The following AP1G1 variants were observed in gnomAD, a reference collection of about 807,000 sequenced individuals.
AP1G1 encodes adaptor related protein complex 1 subunit gamma 1, also known as AP-1 complex subunit gamma-1.
A neutral mutation model predicts 108.3 loss-of-function variants in AP1G1; 7 were observed. The ratio of observed to expected loss-of-function variants is 0.06; its 90% confidence interval spans 0.04 to 0.12. The LOEUF (loss-of-function observed/expected upper bound fraction) is 0.12. Among genes scored for constraint, AP1G1 ranks in the 10% least tolerant of loss-of-function variants. The probability of loss-of-function intolerance (pLI) is 1.00; values close to 1 mark genes in which losing one functional copy is unlikely to be tolerated. For missense variants in AP1G1, 756 were observed against 1,010.7 expected (o/e 0.75, Z 3.42); for synonymous variants, 379 against 353.5 (o/e 1.07, Z -0.81).
At chr16:71,745,827 G>T (rs1353320236) in intron 17 of AP1G1, among the ~76,000 whole-genome samples, 1 of 130,024 alleles carries the variant, frequency 7.7e-6, no homozygotes, top group African/African-American at 2.9e-5. Context: ...TAAACAGACT[G>T]CCCAGCTAAA....
At chr16:71,789,739 C>G (rs1015783433) in intron 1 of AP1G1, among the ~76,000 whole-genome samples, 1 of 152,146 alleles carries the variant, frequency 6.6e-6, no homozygotes, top group African/African-American at 2.4e-5. Flanking sequence ...AAAGAATACA[C>G]TAAATATGTA....
chr16:71,778,576 G>A (rs567055110), intron 2 of AP1G1, among the ~76,000 whole-genome samples: 13 of 152,002 alleles, frequency 8.6e-5, no homozygotes, highest in Middle Eastern at 3.4e-3. Flanking sequence ...CCAGCTACCC[G>A]GGAGGCTGAG....
intron 1 of AP1G1, among the ~76,000 whole-genome samples, chr16:71,797,974 T>C (rs574487298): frequency 1.6e-4 from 25 of 152,196 alleles, no homozygotes; most frequent in African/African-American, 5.8e-4. Flanking sequence ...TAGTTAGAAA[T>C]GGAGGGTAAA....
At chr16:71,770,366 A>T (rs1244686185) in intron 5 of AP1G1, among the ~76,000 whole-genome samples, 1 of 152,256 alleles carries the variant, frequency 6.6e-6, no homozygotes, top group Non-Finnish European at 1.5e-5. Flanking sequence ...CTGACTTCAA[A>T]TAAAAATAAA....
chr16:71,759,236 AT>A (rs1387620150), intron 10 of AP1G1, among the ~76,000 whole-genome samples: 2 of 152,162 alleles, frequency 1.3e-5, no homozygotes, highest in Non-Finnish European at 2.9e-5. Flanking sequence ...AGGCAGGTGG[AT>A]ACCTGAGGTC....
At chr16:71,761,456 C>T (rs1597055862) in intron 10 of AP1G1, 56 bp downstream of exon 10, 1 of 1,247,692 alleles carries the variant, frequency 8.0e-7, no homozygotes, top group Non-Finnish European at 1.2e-6. Flanking sequence ...CAGAATCGCT[C>T]TTAAAATACT....
chr16:71,801,710 CAGG>C (rs2032807149), intron 1 of AP1G1, among the ~76,000 whole-genome samples: 1 of 152,106 alleles, frequency 6.6e-6, no homozygotes, highest in East Asian at 1.9e-4. Flanking sequence ...ATCACAAGGT[CAGG>C]AGATCACGAC....
chr16:71,746,153 G>A (rs1448145400), intron 17 of AP1G1, among the ~76,000 whole-genome samples: 1 of 152,114 alleles, frequency 6.6e-6, no homozygotes, highest in Non-Finnish European at 1.5e-5. Flanking sequence ...GGGAATACAG[G>A]CATGCGCCAC....
At chr16:71,763,451 CAAGAT>C (rs750592099) in intron 9 of AP1G1, among the ~76,000 whole-genome samples, 7 of 151,948 alleles carry the variant, frequency 4.6e-5, no homozygotes, top group Non-Finnish European at 7.4e-5. Flanking sequence ...GGTTACACAA[CAAGAT>C]GAGTGTACTA....
chr16:71,754,856 A>C (rs928260806), intron 12 of AP1G1, among the ~76,000 whole-genome samples: 5 of 152,130 alleles, frequency 3.3e-5, no homozygotes, highest in African/African-American at 1.2e-4. Context: ...TGTTTCCCAT[A>C]AGATTGCAAT....
At chr16:71,774,443 T>C (rs376080443) in intron 3 of AP1G1, 25 bp downstream of exon 3, 57 of 1,586,436 alleles carry the variant, frequency 3.6e-5, no homozygotes, top group Non-Finnish European at 4.7e-5. Context: ...TAACAGTTGT[T>C]AGAAGAAAGA....
At chr16:71,767,883 A>T (rs1285393093) in intron 6 of AP1G1, 6 of 1,599,286 alleles carry the variant, frequency 3.8e-6, no homozygotes, top group African/African-American at 1.3e-5. Context: ...TTACCTTTTC[A>T]TTCTAACATA....
chr16:71,778,375 T>C (rs753851573), intron 2 of AP1G1, among the ~76,000 whole-genome samples: 19 of 152,146 alleles, frequency 1.2e-4, no homozygotes, highest in Non-Finnish European at 2.5e-4. Flanking sequence ...GAACATACCA[T>C]GTTTAATCTT....
chr16:71,759,500 C>A (rs1339250274), intron 10 of AP1G1, among the ~76,000 whole-genome samples: 1 of 146,970 alleles, frequency 6.8e-6, no homozygotes, highest in Non-Finnish European at 1.5e-5. Flanking sequence ...GTGGCTCATG[C>A]CTATAATCCC....
In AP1G1 at chr16:71,731,724, G is replaced by A. The variant is rs571368068; in HGVS notation, c.*1334C>T. The A allele has an allele frequency of 6.6e-6, 1 of 152,582 alleles. No individual in the cohort carries two copies. Among genetic ancestry groups the A allele is most frequent in the Non-Finnish European group, 1.5e-5 (1 of 68,034 alleles). 9.5% of individuals were successfully genotyped at this position (152,582 alleles called of 1,614,324 possible). ...AGTTTAAAAAGCTCAAGTCTTTGAT[G>A]TGAATATTCATGAGATTCGTCTTTT... On this transcript the variant is annotated 3_prime_UTR_variant, in exon 23 of 23. Coordinates refer to ENST00000299980, the MANE Select transcript of AP1G1 (RefSeq NM_001128.6).
At chr16:71,747,784 C>A (rs2145432580) in intron 16 of AP1G1, among the ~76,000 whole-genome samples, 1 of 152,078 alleles carries the variant, frequency 6.6e-6, no homozygotes, top group Middle Eastern at 3.4e-3. Context: ...GAGTTTGAGA[C>A]CAGCCTGGGC....
At chr16:71,774,951 C>T (rs1258779425) in intron 2 of AP1G1, among the ~76,000 whole-genome samples, 4 of 150,902 alleles carry the variant, frequency 2.7e-5, no homozygotes, top group African/African-American at 9.7e-5. Flanking sequence ...AAACTCCTGA[C>T]CTCTGCCGAT....
intron 2 of AP1G1, among the ~76,000 whole-genome samples, chr16:71,777,131 A>C (rs1222207183): frequency 4.7e-5 from 7 of 149,598 alleles, no homozygotes; most frequent in African/African-American, 1.5e-4. Context: ...AAAAAAAAAA[A>C]AAACTATACC....
chr16:71,790,283 G>A (rs1353983148), intron 1 of AP1G1, among the ~76,000 whole-genome samples: 1 of 152,234 alleles, frequency 6.6e-6, no homozygotes, highest in Non-Finnish European at 1.5e-5. Flanking sequence ...GCTCACGCCT[G>A]TAATCCCAGC....
Sources: allele counts gnomAD v4.1 joint callset (sites outside exome capture counted in the v4.1 genomes callset), GRCh38; gene constraint gnomAD v4.1.1; transcripts MANE v1.5; gene names NCBI Gene and HGNC (gene_info 2026-07-23, HGNC 2026-07-21).